COL23A1: variants seen among roughly 807,000 people sequenced by gnomAD.
The protein encoded by COL23A1 is collagen alpha-1(XXIII) chain.
Under a neutral mutation model 99.3 loss-of-function variants are expected in COL23A1, and 97 were observed. The observed-to-expected ratio is 0.98, with a 90% CI of 0.83 to 1.16. The LOEUF (loss-of-function observed/expected upper bound fraction) is 1.16, where lower values mean the gene tolerates loss of function less well. Among genes scored for constraint, COL23A1 ranks in the 50% most tolerant of loss-of-function variants. The pLI is 0.00. For missense variants in COL23A1, 762 were observed against 757.4 expected (o/e 1.01, Z -0.07); for synonymous variants, 320 against 308.2 (o/e 1.04, Z -0.40).
rs550343399 is a variant in COL23A1, at chr5:178,436,492, G to T, written c.361+124190C>A. Among the ~76,000 whole-genome samples the T allele has an allele frequency of 2.6e-5, 4 of 152,288 alleles. 1 individual carries two copies. The South Asian group carries it at 8.3e-4, about 32-fold the overall frequency. On this transcript the variant is annotated intron_variant, in intron 2 of 28. Transcript: ENST00000390654. ...GGTGGGGTACGTTTCAAAGGGAGAA[G>T]GCACAGAACACCAACTACGGTCCAA...
intron 2 of COL23A1, among the ~76,000 whole-genome samples, chr5:178,402,984 C>T (rs1455237520): frequency 6.6e-6 from 1 of 151,134 alleles, no homozygotes. Flanking sequence ...AGTGTGCACC[C>T]ACAGTCCCAG....
chr5:178,286,366 G>A (rs973950185), intron 5 of COL23A1, among the ~76,000 whole-genome samples: 5 of 152,090 alleles, frequency 3.3e-5, no homozygotes, highest in African/African-American at 4.8e-5. Flanking sequence ...GGACGCCCGC[G>A]GGGCTCCACA....
intron 3 of COL23A1, among the ~76,000 whole-genome samples, chr5:178,292,623 G>A (rs1056764546): frequency 6.6e-6 from 1 of 152,182 alleles, no homozygotes; most frequent in African/African-American, 2.4e-5. Context: ...AGAACCTGGA[G>A]GCTACTGCAT....
intron 2 of COL23A1, among the ~76,000 whole-genome samples, chr5:178,358,322 ATGTGTATGTATGTCTAATGTGTGTAT>A (rs1761912279): frequency 7.5e-6 from 1 of 133,708 alleles, no homozygotes; most frequent in South Asian, 2.5e-4. Context: ...GTGTATGTGT[ATGTGTATGTATGTCTAATGTGTGTAT>A]TGTGTGTATG....
At chr5:178,407,129 C>T (rs953464168) in intron 2 of COL23A1, among the ~76,000 whole-genome samples, 5 of 152,154 alleles carry the variant, frequency 3.3e-5, no homozygotes, top group Admixed American at 2.6e-4. Context: ...TCAGTGGAAG[C>T]CCCATGGGGA....
chr5:178,500,611 C>G (rs1250852388), intron 2 of COL23A1, among the ~76,000 whole-genome samples: 1 of 113,756 alleles, frequency 8.8e-6, no homozygotes, highest in Non-Finnish European at 1.9e-5. Flanking sequence ...TCTCAAAAAA[C>G]AAACCAAAAC....
At chr5:178,391,597 G>C (rs972129444) in intron 2 of COL23A1, among the ~76,000 whole-genome samples, 3 of 150,362 alleles carry the variant, frequency 2.0e-5, no homozygotes, top group Middle Eastern at 3.2e-3. Flanking sequence ...TGGTGAGGAT[G>C]GGGGGAAACT....
Position 178,252,530 on chromosome 5 carries a change from G to T in COL23A1, c.1014+14C>A. 6.2e-7 allele frequency: 1 copy of T among 1,608,362 alleles called. No homozygotes were observed. The highest frequency in any genetic ancestry group is 8.5e-7 in the Non-Finnish European group (1 of 1,177,156). ...CAAATGCTTGGGGGACCACATAGCT[G>T]CATCTGCACTGACCTTGGCTCCAGG... On this transcript the variant is annotated intron_variant, in intron 17 of 28. Transcript: ENST00000390654.
intron 2 of COL23A1, among the ~76,000 whole-genome samples, chr5:178,424,014 C>A (rs1003927423): frequency 5.3e-5 from 8 of 152,178 alleles, no homozygotes; most frequent in Non-Finnish European, 1.2e-4. Flanking sequence ...AATTAAGTGA[C>A]TTTCTCATTG....
chr5:178,350,390 C>T (rs758711267), intron 2 of COL23A1, among the ~76,000 whole-genome samples: 12 of 152,272 alleles, frequency 7.9e-5, no homozygotes, highest in South Asian at 4.1e-4. Flanking sequence ...TGTGTGGCTG[C>T]GTGAAGTTGG....
intron 2 of COL23A1, among the ~76,000 whole-genome samples, chr5:178,463,186 A>G (rs1255066557): frequency 6.6e-6 from 1 of 152,212 alleles, no homozygotes; most frequent in Non-Finnish European, 1.5e-5. Flanking sequence ...AGAGCTGCAT[A>G]CCCTTAAGCT....
chr5:178,331,591 GCT>G (rs1760024532), intron 2 of COL23A1, among the ~76,000 whole-genome samples: 1 of 152,218 alleles, frequency 6.6e-6, no homozygotes, highest in South Asian at 2.1e-4. Context: ...GGAGGGCGAG[GCT>G]CTGAGGACAG....
At chr5:178,292,301 G>A (rs947460813) in intron 3 of COL23A1, among the ~76,000 whole-genome samples, 1 of 152,126 alleles carries the variant, frequency 6.6e-6, no homozygotes, top group Admixed American at 6.6e-5. Context: ...CTTCAATTAG[G>A]CCACTGTCCC....
chr5:178,258,118 C>T (rs1765409412), intron 12 of COL23A1, among the ~76,000 whole-genome samples: 1 of 151,770 alleles, frequency 6.6e-6, no homozygotes, highest in African/African-American at 2.4e-5. Flanking sequence ...CATGGTGGCA[C>T]ATGCCTGTAG....
intron 13 of COL23A1, 135 bp from the exon 14 acceptor site, chr5:178,257,063 G>T (rs577529693): frequency 6.6e-6 from 5 of 753,020 alleles, no homozygotes; most frequent in African/African-American, 3.5e-5. Flanking sequence ...GTCCATGGGG[G>T]GTGTGGGCGG....
At chr5:178,362,197 G>A (rs1437103181) in intron 2 of COL23A1, among the ~76,000 whole-genome samples, 3 of 152,220 alleles carry the variant, frequency 2.0e-5, no homozygotes, top group Non-Finnish European at 4.4e-5. Context: ...GTCCCTGCCT[G>A]TGAACTGTTA....
At chr5:178,394,385 G>T (rs1394240435) in intron 2 of COL23A1, among the ~76,000 whole-genome samples, 2 of 150,238 alleles carry the variant, frequency 1.3e-5, no homozygotes, top group Non-Finnish European at 2.9e-5. Context: ...GCTGCATAGG[G>T]CCTGCAGCCC....
Position 178,249,716 on chromosome 5 carries a change from A to ACACACTCT in COL23A1, c.1059+344_1059+345insAGAGTGTG. The stretch of plus-strand genomic sequence containing the variant: ...CACACACACACACACACACACACAC[A>ACACACTCT]CTCTCTCTCTCTCTCTCTCTCTCTC... On this transcript the variant is annotated intron_variant, in intron 18 of 28. Coordinates refer to ENST00000390654, the MANE Select transcript of COL23A1 (RefSeq NM_173465.4). Among the ~76,000 whole-genome samples, 347 of 92,788 alleles carry ACACACTCT rather than the reference A, an allele frequency of 3.7e-3. 5 individuals carry two copies. The highest frequency in any genetic ancestry group is 0.014 in the African/African-American group (334 of 23,464). The allele number at this position is 92,788 out of a possible 152,430, so 60.9% of individuals were successfully genotyped here. A position where few individuals can be genotyped will look rare whatever the true frequency, so the allele number is the denominator to read the frequency against.
chr5:178,417,053 C>T lies in COL23A1; in HGVS notation c.362-110134G>A, dbSNP rs1169077656. ...CAGTTCAGCATGAGCATAGGACCTGCCACCAAATAGTGCTTGTTGAATGAA... is the reference window on the plus strand; with the variant it reads ...CAGTTCAGCATGAGCATAGGACCTGTCACCAAATAGTGCTTGTTGAATGAA... On this transcript the variant is annotated intron_variant, in intron 2 of 28. Transcript: ENST00000390654. Among the ~76,000 whole-genome samples, 4 of 152,186 alleles carry T rather than the reference C, an allele frequency of 2.6e-5. No individual in the cohort carries two copies. The East Asian group carries it at 7.7e-4, about 29-fold the overall frequency.
Sources: allele counts gnomAD v4.1 joint callset (sites outside exome capture counted in the v4.1 genomes callset), GRCh38; gene constraint gnomAD v4.1.1; transcripts MANE v1.5; gene names NCBI Gene and HGNC (gene_info 2026-07-23, HGNC 2026-07-21).